CSMD1: variants seen among roughly 807,000 people sequenced by gnomAD.
CSMD1 encodes the protein CUB and Sushi multiple domains 1, also known as CUB and sushi domain-containing protein 1.
A neutral mutation model predicts 417.5 loss-of-function variants in CSMD1; 213 were observed. The ratio of observed to expected loss-of-function variants is 0.51; its 90% confidence interval spans 0.46 to 0.57. The LOEUF (loss-of-function observed/expected upper bound fraction) is 0.57. CSMD1 is among the 20% of genes least tolerant of loss of function. The pLI, the probability that CSMD1 is intolerant of heterozygous loss-of-function variation, is 0.00. For missense variants in CSMD1, 6,923 were observed against 4,529.7 expected (o/e 1.53, Z -15.17); for synonymous variants, 2,862 against 1,736.8 (o/e 1.65, Z -16.11).
intron 3 of CSMD1, among the ~76,000 whole-genome samples, chr8:4,359,217 G>A (rs1236589016): frequency 6.6e-6 from 1 of 152,154 alleles, no homozygotes; most frequent in Non-Finnish European, 1.5e-5. Context: ...TGCATTATCT[G>A]TAGAGAGGGG....
intron 25 of CSMD1, among the ~76,000 whole-genome samples, chr8:3,293,866 G>A (rs1187567326): frequency 6.6e-6 from 1 of 152,190 alleles, no homozygotes; most frequent in Admixed American, 6.5e-5. Context: ...TTCCATTGCT[G>A]GTGAGGAGCT....
intron 2 of CSMD1, among the ~76,000 whole-genome samples, chr8:4,428,350 A>G (rs1475881291): frequency 6.6e-6 from 1 of 152,226 alleles, no homozygotes; most frequent in Non-Finnish European, 1.5e-5. Flanking sequence ...AGTACCTACT[A>G]GGGATTAAAA....
intron 52 of CSMD1, among the ~76,000 whole-genome samples, chr8:3,015,695 T>C (rs1471179126): frequency 2.0e-5 from 3 of 152,016 alleles, no homozygotes; most frequent in African/African-American, 7.3e-5. Context: ...ATGGTCCAGA[T>C]GAGCCTGAAG....
intron 5 of CSMD1, among the ~76,000 whole-genome samples, chr8:3,755,465 G>C (rs564041122): frequency 1.3e-4 from 20 of 152,286 alleles, no homozygotes; most frequent in South Asian, 1.0e-3. Context: ...TATTAGTGTA[G>C]ATAATCTGTA....
intron 11 of CSMD1, among the ~76,000 whole-genome samples, chr8:3,484,780 T>C (rs562996295): frequency 6.6e-6 from 1 of 152,292 alleles, no homozygotes; most frequent in Non-Finnish European, 1.5e-5. Flanking sequence ...GACTTAGACA[T>C]TTTGCCAAAG....
intron 26 of CSMD1, among the ~76,000 whole-genome samples, chr8:3,273,933 TCTA>T (rs1342670161): frequency 6.6e-6 from 1 of 152,072 alleles, no homozygotes; most frequent in Non-Finnish European, 1.5e-5. Flanking sequence ...TTCCTTCAGT[TCTA>T]CTCTGATTTT....
intron 2 of CSMD1, among the ~76,000 whole-genome samples, chr8:4,459,060 G>C (rs566987104): frequency 6.6e-6 from 1 of 152,270 alleles, no homozygotes; most frequent in African/African-American, 2.4e-5. Context: ...GTATGGCCAG[G>C]AAAACTAGAT....
At chr8:4,769,586 C>T (rs939383397) in intron 1 of CSMD1, among the ~76,000 whole-genome samples, 1 of 152,088 alleles carries the variant, frequency 6.6e-6, no homozygotes, top group African/African-American at 2.4e-5. Context: ...GCAAAATAAG[C>T]ATTGTAAATT....
intron 12 of CSMD1, among the ~76,000 whole-genome samples, chr8:3,464,711 G>C (rs561713384): frequency 6.6e-6 from 1 of 151,732 alleles, no homozygotes; most frequent in South Asian, 2.1e-4. Flanking sequence ...GTCATATAGA[G>C]TTTGCTTATG....
intron 6 of CSMD1, among the ~76,000 whole-genome samples, chr8:3,727,238 C>A (rs1030171142): frequency 6.6e-6 from 1 of 152,156 alleles, no homozygotes; most frequent in African/African-American, 2.4e-5. Context: ...ACAATTATCA[C>A]AAGAGGAAAA....
intron 1 of CSMD1, among the ~76,000 whole-genome samples, chr8:4,792,352 C>T (rs1406588316): frequency 6.6e-6 from 1 of 152,166 alleles, no homozygotes; most frequent in Non-Finnish European, 1.5e-5. Flanking sequence ...AAGGAATTTG[C>T]TTTAAAAAAT....
At position 3,087,233 on chromosome 8, in the gene CSMD1, C is replaced by G. The variant is rs768054171; in HGVS notation, c.7338G>C (p.Arg2446Ser). The change falls in exon 49 of 70, where the codon AGG (arginine) becomes AGC (serine). Residue 2446 changes from arginine to serine, a missense_variant. Coordinates refer to ENST00000635120, the MANE Select transcript of CSMD1 (RefSeq NM_033225.6). ...CTTTGCTTCCAACCGCTCCTGCAGT[C>G]CTGTTTAGAATACCCCCATTCTTCA... The part of the protein sequence containing the change: ...HPLKNGGILN[R>S]TAGAVGSKVH... 6.2e-7 allele frequency: 1 copy of G among 1,613,794 alleles called. No individual in the cohort carries two copies. Among genetic ancestry groups the G allele is most frequent in the Non-Finnish European group, 8.5e-7 (1 of 1,179,854 alleles).
At chr8:3,535,307 G>A (rs528023968) in intron 10 of CSMD1, among the ~76,000 whole-genome samples, 6 of 152,176 alleles carry the variant, frequency 3.9e-5, no homozygotes, top group East Asian at 1.9e-4. Context: ...GCTTTTGGCC[G>A]TACTTTCTAT....
intron 2 of CSMD1, among the ~76,000 whole-genome samples, chr8:4,616,421 GA>G (rs1801478527): frequency 6.6e-6 from 1 of 152,166 alleles, no homozygotes; most frequent in Non-Finnish European, 1.5e-5. Flanking sequence ...TGCATTTTAA[GA>G]ACACTGGCTA....
intron 3 of CSMD1, among the ~76,000 whole-genome samples, chr8:4,059,715 C>A (rs950458812): frequency 6.6e-6 from 1 of 152,182 alleles, no homozygotes; most frequent in African/African-American, 2.4e-5. Context: ...ATTTCCTCGA[C>A]ACCTACACTC....
intron 1 of CSMD1, among the ~76,000 whole-genome samples, chr8:4,927,493 T>C (rs1043606507): frequency 2.6e-5 from 4 of 152,206 alleles, no homozygotes; most frequent in East Asian, 1.9e-4. Flanking sequence ...CTTTGTAGCT[T>C]AGCTCTGCGA....
intron 5 of CSMD1, among the ~76,000 whole-genome samples, chr8:3,834,825 A>G (rs1802583392): frequency 1.3e-5 from 2 of 152,076 alleles, no homozygotes; most frequent in African/African-American, 4.8e-5. Flanking sequence ...TCATCTGACA[A>G]AGGGCTAATA....
intron 10 of CSMD1, among the ~76,000 whole-genome samples, chr8:3,530,684 C>G (rs1172580935): frequency 6.6e-6 from 1 of 151,874 alleles, no homozygotes; most frequent in East Asian, 1.9e-4. Context: ...GCACCCGCCA[C>G]CACAGCCAGC....
intron 1 of CSMD1, among the ~76,000 whole-genome samples, chr8:4,770,656 CAAGCAT>C (rs1326159433): frequency 6.6e-6 from 1 of 151,878 alleles, no homozygotes; most frequent in Non-Finnish European, 1.5e-5. Flanking sequence ...GAAATAAATC[CAAGCAT>C]ATATGGTCAG....
Sources: allele counts gnomAD v4.1 joint callset (sites outside exome capture counted in the v4.1 genomes callset), GRCh38; gene constraint gnomAD v4.1.1; transcripts MANE v1.5; gene names NCBI Gene and HGNC (gene_info 2026-07-23, HGNC 2026-07-21).